LAMA5: variants seen among roughly 807,000 people sequenced by gnomAD.
LAMA5 encodes laminin subunit alpha-5.
Under a neutral mutation model 433.4 loss-of-function variants are expected in LAMA5, and 260 were observed. That is an observed-to-expected ratio of 0.60 (90% CI 0.54 to 0.66). The LOEUF (loss-of-function observed/expected upper bound fraction) is 0.66. Among genes scored for constraint, LAMA5 ranks in the 30% least tolerant of loss-of-function variants. The pLI is 0.00. For missense variants in LAMA5, 5,378 were observed against 5,258.5 expected, an observed-to-expected ratio of 1.02 and a Z score of -0.70; for synonymous variants, 2,620 against 2,226.6, an observed-to-expected ratio of 1.18 and a Z score of -4.97.
intron 59 of LAMA5, 32 bp from the exon 60 acceptor site, chr20:62,314,979 C>A (rs1435483333): frequency 6.3e-7 from 1 of 1,576,916 alleles, no homozygotes; most frequent in Non-Finnish European, 8.6e-7. Flanking sequence ...ACCTTTGCCC[C>A]CCACCGTGCC....
chr20:62,317,421 C>G lies in LAMA5; in HGVS notation c.7435G>C (p.Gly2479Arg). 1 of 1,606,638 alleles carries G rather than the reference C, an allele frequency of 6.2e-7. No homozygotes were observed. Among genetic ancestry groups the G allele is most frequent in the South Asian group, 1.1e-5 (1 of 90,376 alleles). Residue 2479 changes from glycine to arginine, a missense_variant, in exon 55 of 80, where the codon GGC becomes CGC. Transcript: ENST00000252999. Reference protein sequence around the residue: ...LQRMQTFSPAGSKLRLVEAAE... With the variant: ...LQRMQTFSPARSKLRLVEAAE... ...GCCTCCACTAGACGCAGCTTGCTGCCCGCCGGGGAGAAGGTCTGCATCCTC... is the reference window on the plus strand; with the variant it reads ...GCCTCCACTAGACGCAGCTTGCTGCGCGCCGGGGAGAAGGTCTGCATCCTC...
In LAMA5 at chr20:62,336,408, C is replaced by T. The variant is rs745633305; in HGVS notation, c.2255G>A (p.Gly752Glu). 2 of 1,612,502 alleles carry T rather than the reference C, an allele frequency of 1.2e-6. No individual in the cohort carries two copies. The highest frequency in any genetic ancestry group is 2.7e-5 in the African/African-American group (2 of 74,946). ...AGGTTTGCAGCGGTCACAGCTCGGC[C>T]CCTCCACGTGAGCCCGGCACATACA... ...VPCMCRAHVE[G>E]PSCDRCKPGF... The change falls in exon 18 of 80, where the codon GGG becomes GAG. Residue 752 changes from glycine to glutamate, a missense_variant. Coordinates refer to ENST00000252999, the MANE Select transcript of LAMA5 (RefSeq NM_005560.6).
In LAMA5 at chr20:62,316,767, C is replaced by T; in HGVS notation, c.7660G>A (p.Val2554Met). The stretch of plus-strand genomic sequence containing the variant: ...GCTCGGTCCACCAGGCCCTGCCGCA[C>T]CACCGTCTGTGGATGCCAGGGCAGA... ...QQADHTWATVVRQGLVDRAQQ... is the reference protein window; with the variant it reads ...QQADHTWATVMRQGLVDRAQQ... Residue 2554 changes from valine to methionine, a missense_variant, in exon 57 of 80, where the codon GTG becomes ATG. Val to Met is a conservative substitution (Grantham distance 21, BLOSUM62 1). Transcript: ENST00000252999. The T allele has an allele frequency of 6.2e-7, 1 of 1,604,594 alleles. No individual in the cohort carries two copies. Among genetic ancestry groups the T allele is most frequent in the Non-Finnish European group, 8.5e-7 (1 of 1,175,538 alleles).
chr20:62,358,076 C>A (rs1265387006), intron 2 of LAMA5, among the ~76,000 whole-genome samples: 1 of 151,780 alleles, frequency 6.6e-6, no homozygotes, highest in Non-Finnish European at 1.5e-5. Flanking sequence ...AAACAGGAAG[C>A]CTTTGGGGAC....
intron 57 of LAMA5, chr20:62,316,289 C>T (rs546424572): frequency 1.5e-5 from 9 of 582,886 alleles, no homozygotes; most frequent in Middle Eastern, 4.4e-4. Flanking sequence ...CCCCATTGTA[C>T]AGATGAAACA....
chr20:62,310,254 G>A lies in LAMA5; in HGVS notation c.10658C>T (p.Ala3553Val). ...VGLELEVRPL[A>V]VTGLIFHLGQ... ...CAAGTGGAAGATCAGTCCGGTGACT[G>A]CCAGGGGCCGCACCTCCAGTTCCAG... is the stretch of plus-strand genomic sequence containing the variant. The change falls in exon 77 of 80, where the codon GCA becomes GTA. Residue 3553 changes from alanine (A) to valine (V), a missense_variant. By Grantham distance (64) the Ala-to-Val change is moderately conservative. Transcript: ENST00000252999. 6 of 1,612,172 alleles carry A rather than the reference G, an allele frequency of 3.7e-6. No individual in the cohort carries two copies. Among genetic ancestry groups the A allele is most frequent in the South Asian group, 3.3e-5 (3 of 90,992 alleles).
At position 62,311,125 on chromosome 20, in the gene LAMA5, G is replaced by GC. The variant is rs752200264; in HGVS notation, c.10089-32dup. ...AGCGGAGCTGGCGTCAGCCTGCGCG[G>GC]CCCCTCTCAGCCCACCCCAGCCGGG... On this transcript the variant is annotated intron_variant, in intron 73 of 79. Transcript: ENST00000252999. 130 of 1,561,086 alleles carry GC rather than the reference G, an allele frequency of 8.3e-5. No individual in the cohort carries two copies. The Middle Eastern group carries it at 1.4e-3, about 17-fold the overall frequency.
rs767146055 is a variant in LAMA5 at position 62,314,729 on chromosome 20, C to T, written c.8197-4G>A. 4.1e-5 allele frequency: 66 copies of T among 1,612,160 alleles called. No individual in the cohort carries two copies. The highest frequency in any genetic ancestry group is 1.6e-4 in the Middle Eastern group (1 of 6,072). On this transcript the variant is annotated splice_polypyrimidine_tract_variant and splice_region_variant and intron_variant, in intron 60 of 79. Transcript: ENST00000252999. Reference sequence around the variant, plus strand: ...TGAACTTCATGGGCACCTTGACCTGCGGGGCACGGTCCATCAGCGTCCACC... The same window carrying T: ...TGAACTTCATGGGCACCTTGACCTGTGGGGCACGGTCCATCAGCGTCCACC...
In LAMA5 at chr20:62,332,725, G is replaced by A; in HGVS notation, c.3283-8C>T. 3 of 1,609,622 alleles carry A rather than the reference G, an allele frequency of 1.9e-6. No homozygotes were observed. Among genetic ancestry groups the A allele is most frequent in the Non-Finnish European group, 1.7e-6 (2 of 1,178,722 alleles). On this transcript the variant is annotated splice_polypyrimidine_tract_variant and splice_region_variant and intron_variant, in intron 26 of 79. Coordinates refer to ENST00000252999, the MANE Select transcript of LAMA5 (RefSeq NM_005560.6). ...TTGAAGCTGGACGTCCACCTGCAGG[G>A]AAGGCAGGGTGACGGGAGGCCCGCC...
intron 63 of LAMA5, 41 bp from the exon 64 acceptor site, chr20:62,313,501 GCCTCC>G (rs1366995963): frequency 6.4e-7 from 1 of 1,566,444 alleles, no homozygotes; most frequent in Non-Finnish European, 8.6e-7. Context: ...GGCCTGAGGC[GCCTCC>G]CCTCCAGGAT....
chr20:62,319,519 C>T (rs1987433091), intron 51 of LAMA5, among the ~76,000 whole-genome samples, 165 bp downstream of exon 51: 1 of 152,186 alleles, frequency 6.6e-6, no homozygotes, highest in African/African-American at 2.4e-5. Context: ...GGCTGTGTCG[C>T]CGACCTCCTG....
At position 62,314,341 on chromosome 20, in the gene LAMA5, C is replaced by T; in HGVS notation, c.8467G>A (p.Asp2823Asn). 6.2e-7 allele frequency: 1 copy of T among 1,613,338 alleles called. No homozygotes were observed. Among genetic ancestry groups the T allele is most frequent in the Non-Finnish European group, 8.5e-7 (1 of 1,179,910 alleles). Residue 2823 changes from aspartate (D) to asparagine (N), a missense_variant, in exon 62 of 80, where the codon GAC becomes AAC. Transcript: ENST00000252999. ...AGPAVLSIDE[D>N]IGEQFAAVSL... is the part of the protein sequence containing the mutation. Reference sequence around the variant, plus strand: ...ACAGCTGCGAACTGCTCCCCAATGTCCTCATCGATGCTTAGGACTGCAGGG... The same window carrying T: ...ACAGCTGCGAACTGCTCCCCAATGTTCTCATCGATGCTTAGGACTGCAGGG...
chr20:62,311,422 T>C lies in LAMA5; in HGVS notation c.9921A>G (p.Gly3307=). Residue 3307 remains glycine, a synonymous_variant, in exon 72 of 80, where the codon GGA becomes GGG. Transcript: ENST00000252999. ...CCACCTTCCGGGCGGTGGCCTGCAG[T>C]CCTCTAGGCCCCAGGCCCGGGGTCT... ...QAQTPGLGPR[G]LQATARKASR... is the part of the protein sequence containing the mutation. 6.3e-7 allele frequency: 1 copy of C among 1,581,282 alleles called. No individual in the cohort carries two copies. The highest frequency in any genetic ancestry group is 1.8e-5 in the Admixed American group (1 of 55,620).
chr20:62,318,616 G>A lies in LAMA5; in HGVS notation c.7077C>T (p.Leu2359=), dbSNP rs753328639. 1 of 1,610,814 alleles carries A rather than the reference G, an allele frequency of 6.2e-7. No homozygotes were observed. The highest frequency in any genetic ancestry group is 8.5e-7 in the Non-Finnish European group (1 of 1,179,036). ...TGGCCAGTGCCTGGTTCTCCTCCCA[G>A]AGGCTGCTCAGCTGCTCCTGCACCC... ...LARVQEQLSS[L]WEENQALATQ... is the part of the protein sequence containing the mutation. Residue 2359 remains leucine, a synonymous_variant, in exon 53 of 80, where the codon CTC becomes CTT. Transcript: ENST00000252999.
chr20:62,311,362 G>T, intron 72 of LAMA5, 39 bp downstream of exon 72: 1 of 1,523,380 alleles, frequency 6.6e-7, no homozygotes. Flanking sequence ...CACCCTTCCA[G>T]CCACCCCAGC....
chr20:62,341,079 T>A (rs944499884), intron 11 of LAMA5, among the ~76,000 whole-genome samples: 9 of 94,842 alleles, frequency 9.5e-5, no homozygotes, highest in East Asian at 7.6e-4. Context: ...AATAAATAAA[T>A]AAAATTAAAA....
intron 1 of LAMA5, among the ~76,000 whole-genome samples, chr20:62,364,225 G>A (rs1294246939): frequency 6.6e-6 from 1 of 152,200 alleles, no homozygotes; most frequent in Non-Finnish European, 1.5e-5. Context: ...CTCAATGACA[G>A]CACGGCGCAC....
chr20:62,348,800 G>C (rs891051598), intron 6 of LAMA5, among the ~76,000 whole-genome samples: 12 of 152,154 alleles, frequency 7.9e-5, no homozygotes, highest in Admixed American at 2.0e-4. Flanking sequence ...TAGTGAAGTG[G>C]AAGAGGAGCA....
intron 2 of LAMA5, among the ~76,000 whole-genome samples, chr20:62,354,971 G>A (rs1056408088): frequency 4.6e-5 from 7 of 152,224 alleles, no homozygotes; most frequent in Non-Finnish European, 8.8e-5. Flanking sequence ...TGCCGGGGGA[G>A]AGAGGCAACT....
Sources: gnomAD v4.1 joint callset for allele counts (sites outside exome capture counted in the v4.1 genomes callset) on GRCh38, gnomAD v4.1.1 for gene constraint, MANE v1.5 for transcripts, NCBI Gene and HGNC (gene_info 2026-07-23, HGNC 2026-07-21) for gene names.